The following NDUFB6 variants were observed in gnomAD, a reference collection of about 807,000 sequenced individuals.
NDUFB6 encodes NADH:ubiquinone oxidoreductase subunit B6, also known as NADH dehydrogenase [ubiquinone] 1 beta subcomplex subunit 6.
In NDUFB6, 23 loss-of-function variants were observed where a neutral mutation model predicts 17.5. The observed-to-expected ratio is 1.31, with a 90% CI of 0.94 to 1.86. The LOEUF (loss-of-function observed/expected upper bound fraction) is 1.86. Among genes scored for constraint, NDUFB6 ranks in the 40% most tolerant of loss-of-function variants. The pLI is 0.00. For missense variants in NDUFB6, 167 were observed against 153.8 expected (o/e 1.09, Z -0.46); for synonymous variants, 60 against 53.5 (o/e 1.12, Z -0.53).
chr9:32,566,894 T>C, intron 2 of NDUFB6: 1 of 580,794 alleles, frequency 1.7e-6, no homozygotes, highest in Non-Finnish European at 3.2e-6. Flanking sequence ...CGAAAAGCAC[T>C]GAGGAAGCAC....
chr9:32,567,287 A>G (rs1444427298), intron 2 of NDUFB6: 1 of 471,584 alleles, frequency 2.1e-6, no homozygotes, highest in Non-Finnish European at 4.4e-6. Flanking sequence ...CCATTTTGCT[A>G]ACAGCATGTG....
rs767303127 is a variant in NDUFB6 at position 32,572,874 on chromosome 9, C to G, written c.180+7G>C. On this transcript the variant is annotated splice_region_variant and intron_variant, in intron 1 of 3. Coordinates refer to ENST00000379847, the MANE Select transcript of NDUFB6 (RefSeq NM_002493.5). ...GTTGGGGGGGACCGGAGAGGTCTGTCACTCACCATTTTCCTCCAAGGGGAT... is the reference window on the plus strand; with the variant it reads ...GTTGGGGGGGACCGGAGAGGTCTGTGACTCACCATTTTCCTCCAAGGGGAT... 10 of 1,568,798 alleles carry G rather than the reference C, an allele frequency of 6.4e-6. No individual in the cohort carries two copies. Among genetic ancestry groups the G allele is most frequent in the Non-Finnish European group, 8.6e-6 (10 of 1,156,814 alleles).
At chr9:32,567,002 G>A (rs1344215456) in intron 2 of NDUFB6, 1 of 502,462 alleles carries the variant, frequency 2.0e-6, no homozygotes, top group Non-Finnish European at 3.9e-6. Context: ...TGCCATCCTC[G>A]TACGAGGGAG....
chr9:32,566,815 G>C, intron 2 of NDUFB6: 1 of 877,410 alleles, frequency 1.1e-6, no homozygotes, highest in South Asian at 1.3e-5. Context: ...AGCAGTCTCT[G>C]CCTCTGTGGG....
intron 2 of NDUFB6, among the ~76,000 whole-genome samples, chr9:32,565,865 G>A (rs903921184): frequency 6.6e-6 from 1 of 152,080 alleles, no homozygotes; most frequent in Non-Finnish European, 1.5e-5. Flanking sequence ...CTAGCTACTT[G>A]GGAGGTTGAG....
intron 2 of NDUFB6, chr9:32,566,424 G>T (rs1452593084): frequency 1.5e-5 from 13 of 852,682 alleles, no homozygotes; most frequent in Non-Finnish European, 2.3e-5. Flanking sequence ...TGCTCTCCCT[G>T]TTACTGTAGG....
chr9:32,564,969 T>C (rs563857065), intron 2 of NDUFB6, among the ~76,000 whole-genome samples: 3 of 152,154 alleles, frequency 2.0e-5, no homozygotes, highest in Non-Finnish European at 4.4e-5. Context: ...TTCATAGACA[T>C]TGGGAGGTTT....
rs1821378423 is a variant in NDUFB6 at position 32,553,919 on chromosome 9, T to G, written c.344A>C (p.Glu115Ala). Reference sequence around the variant, plus strand: ...AAATTCTTTCATTGGTGGAATTACTTCTCCAGTCTCCAGAATTGTATCACC... The same window carrying G: ...AAATTCTTTCATTGGTGGAATTACTGCTCCAGTCTCCAGAATTGTATCACC... ...FPGDTILETGEVIPPMKEFPD... is the reference protein window; with the variant it reads ...FPGDTILETGAVIPPMKEFPD... Residue 115 changes from glutamate (E) to alanine (A), a missense_variant, in exon 4 of 4, where the codon GAA becomes GCA. Glu to Ala is a moderately radical substitution (Grantham distance 107). Coordinates refer to ENST00000379847, the MANE Select transcript of NDUFB6 (RefSeq NM_002493.5). 1 of 1,597,218 alleles carries G rather than the reference T, an allele frequency of 6.3e-7. No individual in the cohort carries two copies. The highest frequency in any genetic ancestry group is 1.1e-5 in the South Asian group (1 of 90,366).
Position 32,570,941 on chromosome 9 carries a change from C to T in NDUFB6, c.273+19G>A. 1 of 1,505,526 alleles carries T rather than the reference C, an allele frequency of 6.6e-7. No homozygotes were observed. The highest frequency in any genetic ancestry group is 1.9e-5 in the Admixed American group (1 of 52,298). The allele number at this position is 1,505,526 out of a possible 1,614,324, so 93.3% of individuals were successfully genotyped here. A position where few individuals can be genotyped will look rare whatever the true frequency, so the allele number is the denominator to read the frequency against. On this transcript the variant is annotated intron_variant, in intron 2 of 3. Transcript: ENST00000379847. ...TTTTGGACAATATTAAAAATGAATT[C>T]TGAAAAGGACATACTTACAGAAACA...
intron 3 of NDUFB6, among the ~76,000 whole-genome samples, chr9:32,558,558 G>A (rs1252198600): frequency 8.5e-5 from 13 of 152,198 alleles, no homozygotes; most frequent in Non-Finnish European, 1.5e-5. Flanking sequence ...ACCATGCATG[G>A]ATGTTTGCTT....
At chr9:32,554,641 T>C (rs1456018012) in intron 3 of NDUFB6, among the ~76,000 whole-genome samples, 1 of 152,252 alleles carries the variant, frequency 6.6e-6, no homozygotes, top group Non-Finnish European at 1.5e-5. Flanking sequence ...CCTGACCTGG[T>C]ACTGCTCAGG....
At chr9:32,555,950 T>C (rs542506955) in intron 3 of NDUFB6, among the ~76,000 whole-genome samples, 7 of 152,356 alleles carry the variant, frequency 4.6e-5, no homozygotes, top group Non-Finnish European at 7.3e-5. Flanking sequence ...ATCCAAATTC[T>C]ACCACTGAAC....
In NDUFB6 at chr9:32,566,325, T is replaced by G. The variant is rs1821788277; in HGVS notation, c.273+4635A>C. ...TTCCCAGTCCACTTCTCTTCCATCT[T>G]GTTCTTTAACTGCTTCCACCAGTGT... On this transcript the variant is annotated intron_variant, in intron 2 of 3. Transcript: ENST00000379847. The G allele has an allele frequency of 4.2e-6, 5 of 1,179,178 alleles. No homozygotes were observed. The South Asian group carries it at 6.1e-5, about 14-fold the overall frequency. The allele number at this position is 1,179,178 out of a possible 1,614,324, so 73.0% of individuals were successfully genotyped here. A position where few individuals can be genotyped will look rare whatever the true frequency, so the allele number is the denominator to read the frequency against.
intron 2 of NDUFB6, chr9:32,566,786 G>A (rs1331909383): frequency 1.1e-5 from 10 of 914,208 alleles, no homozygotes; most frequent in South Asian, 3.9e-5. Context: ...TCTGGCTGAC[G>A]TTGTACAGGA....
At chr9:32,572,482 G>T (rs1051992949) in intron 1 of NDUFB6, among the ~76,000 whole-genome samples, 2 of 152,168 alleles carry the variant, frequency 1.3e-5, no homozygotes, top group African/African-American at 4.8e-5. Flanking sequence ...TGGATACTGT[G>T]TTACTTGGTC....
Position 32,573,103 on chromosome 9 carries a change from A to C in NDUFB6, c.-43T>G, listed in dbSNP as rs1033319474. 1.3e-6 allele frequency: 2 copies of C among 1,484,940 alleles called. No individual in the cohort carries two copies. Among genetic ancestry groups the C allele is most frequent in the Non-Finnish European group, 1.8e-6 (2 of 1,115,982 alleles). The allele number at this position is 1,484,940 out of a possible 1,614,324, so 92.0% of individuals were successfully genotyped here. A position where few individuals can be genotyped will look rare whatever the true frequency, so the allele number is the denominator to read the frequency against. On this transcript the variant is annotated 5_prime_UTR_variant, in exon 1 of 4. Transcript: ENST00000379847. ...CGCAAAAGGACACGGCGCACCCTCG[A>C]ACTACGGACTAGTTACTTAAGCGCG... is the stretch of plus-strand genomic sequence containing the variant.
At chr9:32,567,389 T>G in intron 2 of NDUFB6, 1 of 465,158 alleles carries the variant, frequency 2.1e-6, no homozygotes, top group African/African-American at 2.0e-5. Flanking sequence ...CAGGCAGTGG[T>G]GCGATCTTGG....
chr9:32,559,359 C>G (rs1821564109), intron 2 of NDUFB6, among the ~76,000 whole-genome samples: 1 of 152,238 alleles, frequency 6.6e-6, no homozygotes, highest in Non-Finnish European at 1.5e-5. Context: ...ACAACAGCAC[C>G]TACTAGCCTC....
Position 32,553,244 on chromosome 9 carries a change from A to G in NDUFB6, c.*632T>C, listed in dbSNP as rs971788058. On this transcript the variant is annotated 3_prime_UTR_variant, in exon 4 of 4. Coordinates refer to ENST00000379847, the MANE Select transcript of NDUFB6 (RefSeq NM_002493.5). Reference sequence around the variant, plus strand: ...GAGTCTTGCTCTGTCGCCCAGGCTCAGTGGCACTATCTCGGCTTACTGCAA... The same window carrying G: ...GAGTCTTGCTCTGTCGCCCAGGCTCGGTGGCACTATCTCGGCTTACTGCAA... 2.0e-4 allele frequency: 42 copies of G among 208,210 alleles called. No individual in the cohort carries two copies. The highest frequency in any genetic ancestry group is 9.2e-4 in the African/African-American group (39 of 42,364). The allele number at this position is 208,210 out of a possible 1,614,324, so 12.9% of individuals were successfully genotyped here.
Sources: gnomAD v4.1 joint callset for allele counts (sites outside exome capture counted in the v4.1 genomes callset) on GRCh38, gnomAD v4.1.1 for gene constraint, MANE v1.5 for transcripts, NCBI Gene and HGNC (gene_info 2026-07-23, HGNC 2026-07-21) for gene names.